Variants in RB1CC1 observed in about 807,000 individuals in gnomAD.
The protein encoded by RB1CC1 is RB1 inducible coiled-coil 1, also known as RB1-inducible coiled-coil protein 1.
Under a neutral mutation model 177.5 loss-of-function variants are expected in RB1CC1, and 46 were observed. The ratio of observed to expected loss-of-function variants is 0.26; its 90% CI spans 0.20 to 0.33. The LOEUF is 0.33. Ranked by LOEUF, RB1CC1 falls within the 10% of genes least tolerant of loss-of-function variation. The pLI is 1.00. For missense variants in RB1CC1, 1,703 were observed against 1,816.3 expected (o/e 0.94, Z 1.13); for synonymous variants, 666 against 613.6 (o/e 1.09, Z -1.26).
intron 15 of RB1CC1, among the ~76,000 whole-genome samples, chr8:52,648,765 T>C (rs760730397): frequency 2.2e-4 from 34 of 152,228 alleles, no homozygotes; most frequent in Non-Finnish European, 4.3e-4. Context: ...AGGTTGGGTC[T>C]TACTGTAGAT....
intron 20 of RB1CC1, among the ~76,000 whole-genome samples, chr8:52,633,426 T>G (rs1441216176): frequency 1.3e-5 from 2 of 152,184 alleles, no homozygotes; most frequent in Admixed American, 6.5e-5. Flanking sequence ...GCATACTACA[T>G]AAAACACGTA....
At chr8:52,694,644 A>G (rs1434583917) in intron 1 of RB1CC1, among the ~76,000 whole-genome samples, 3 of 152,146 alleles carry the variant, frequency 2.0e-5, no homozygotes, top group Non-Finnish European at 4.4e-5. Flanking sequence ...AGCTGCACAT[A>G]CTTTAGTTAA....
chr8:52,642,709 T>C lies in RB1CC1; in HGVS notation c.4091A>G (p.Asp1364Gly). 1.9e-6 allele frequency: 3 copies of C among 1,576,626 alleles called. No homozygotes were observed. Among genetic ancestry groups the C allele is most frequent in the Non-Finnish European group, 2.6e-6 (3 of 1,168,498 alleles). ...LKSTMQQQERDKDLIESLSED... is the reference protein window; with the variant it reads ...LKSTMQQQERGKDLIESLSED... ...TAGTACAAAACAGTACAAACCTTTA[T>C]CCCGTTCTTGTTGCTGCATTGTACT... The change falls in exon 17 of 24, where the codon GAT becomes GGT. Residue 1364 changes from aspartate (D) to glycine (G), a missense_variant. Asp to Gly is a moderately conservative substitution (Grantham distance 94). Coordinates refer to ENST00000025008, the MANE Select transcript of RB1CC1 (RefSeq NM_014781.5).
At chr8:52,709,133 G>C (rs931372962) in intron 1 of RB1CC1, among the ~76,000 whole-genome samples, 2 of 152,114 alleles carry the variant, frequency 1.3e-5, no homozygotes, top group East Asian at 1.9e-4. Flanking sequence ...CTTGAACCCG[G>C]GAGTCAGAGG....
chr8:52,687,912 T>A (rs1439635258), intron 1 of RB1CC1, among the ~76,000 whole-genome samples: 1 of 152,240 alleles, frequency 6.6e-6, no homozygotes, highest in Non-Finnish European at 1.5e-5. Flanking sequence ...TAGGAGGATG[T>A]TGTTGTGGGA....
At chr8:52,627,370 T>C (rs551176003) in intron 22 of RB1CC1, among the ~76,000 whole-genome samples, 2 of 152,220 alleles carry the variant, frequency 1.3e-5, no homozygotes, top group South Asian at 2.1e-4. Context: ...TACCTATAAA[T>C]ATATAGATAA....
intron 18 of RB1CC1, among the ~76,000 whole-genome samples, chr8:52,640,606 T>C (rs531073800): frequency 6.6e-6 from 1 of 152,310 alleles, no homozygotes; most frequent in East Asian, 1.9e-4. Flanking sequence ...TTCTGTATCA[T>C]TTGGCTCTAG....
chr8:52,635,326 C>G (rs180742400), intron 19 of RB1CC1, among the ~76,000 whole-genome samples: 2 of 152,256 alleles, frequency 1.3e-5, no homozygotes, highest in Admixed American at 6.5e-5. Flanking sequence ...TCAGGTTATG[C>G]TGAGGTAGGA....
At chr8:52,630,364 C>A in intron 21 of RB1CC1, 106 bp downstream of exon 21, 2 of 1,352,092 alleles carry the variant, frequency 1.5e-6, no homozygotes, top group Non-Finnish European at 9.9e-7. Context: ...GCAAAACACT[C>A]AGCTCAATGA....
chr8:52,639,768 G>A (rs1376332475), intron 18 of RB1CC1, among the ~76,000 whole-genome samples: 1 of 152,080 alleles, frequency 6.6e-6, no homozygotes, highest in Non-Finnish European at 1.5e-5. Context: ...GTTAGGTATT[G>A]TACTGTTTAG....
Position 52,642,479 on chromosome 8 carries a change from T to C in RB1CC1, c.4209A>G (p.Val1403=). The change falls in exon 18 of 24, where the codon GTA becomes GTG. Residue 1403 remains valine (V), a synonymous_variant. Transcript: ENST00000025008. ...CTCCATAAAGTTCTGGGGCTGTAGC[T>C]ACATATGGTGAAGGAACAAAACTGC... ...RSSSFVPSPY[V]ATAPELYGAC... 2 of 1,613,972 alleles carry C rather than the reference T, an allele frequency of 1.2e-6. 1 individual carries two copies. Among genetic ancestry groups the C allele is most frequent in the Non-Finnish European group, 1.7e-6 (2 of 1,179,992 alleles).
At chr8:52,671,505 C>G (rs543866934) in intron 7 of RB1CC1, among the ~76,000 whole-genome samples, 63 of 152,284 alleles carry the variant, frequency 4.1e-4, no homozygotes, top group Admixed American at 7.2e-4. Context: ...CTCGGTTCAT[C>G]TTCAGAAATG....
rs1362031367 is a variant in RB1CC1 at position 52,674,122 on chromosome 8, A to G, written c.725T>C (p.Leu242Pro). The change falls in exon 7 of 24, where the codon CTC becomes CCC. Residue 242 changes from leucine to proline, a missense_variant. By Grantham distance (98) the Leu-to-Pro change is moderately conservative. This residue lies in a region of RB1CC1 where 315 missense variants were observed against 304.9 expected (regional missense o/e 1.03). Coordinates refer to ENST00000025008, the MANE Select transcript of RB1CC1 (RefSeq NM_014781.5). Reference sequence around the variant, plus strand: ...AGTTGTTCTAGGCATATCAGGAGAGAGCACCAGTTCAGTGGATCTTTTCAT... The same window carrying G: ...AGTTGTTCTAGGCATATCAGGAGAGGGCACCAGTTCAGTGGATCTTTTCAT... ...AEMKRSTELV[L>P]SPDMPRTTNE... The G allele has an allele frequency of 1.2e-6, 2 of 1,614,028 alleles. No individual in the cohort carries two copies. Among genetic ancestry groups the G allele is most frequent in the Non-Finnish European group, 8.5e-7 (1 of 1,180,016 alleles).
intron 8 of RB1CC1, among the ~76,000 whole-genome samples, 166 bp downstream of exon 8, chr8:52,667,855 T>C (rs1243664023): frequency 1.3e-5 from 2 of 152,308 alleles, no homozygotes; most frequent in Middle Eastern, 3.4e-3. Context: ...AACTCAATCA[T>C]TAAGAACATG....
At chr8:52,681,963 G>A (rs1412646862) in intron 5 of RB1CC1, among the ~76,000 whole-genome samples, 1 of 152,184 alleles carries the variant, frequency 6.6e-6, no homozygotes, top group Non-Finnish European at 1.5e-5. Flanking sequence ...GTCCCTACTG[G>A]GGGCACTCCC....
At chr8:52,660,464 C>G in intron 12 of RB1CC1, 132 bp downstream of exon 12, 1 of 863,312 alleles carries the variant, frequency 1.2e-6, no homozygotes, top group Admixed American at 3.1e-5. Flanking sequence ...GCTTTTAAAG[C>G]CAAAAACACT....
At chr8:52,647,577 T>C (rs1389114895) in intron 15 of RB1CC1, among the ~76,000 whole-genome samples, 1 of 152,002 alleles carries the variant, frequency 6.6e-6, no homozygotes, top group Non-Finnish European at 1.5e-5. Context: ...GGGATAAAAA[T>C]AGGTATAGGC....
rs1169503732 is a variant in RB1CC1 at position 52,658,968 on chromosome 8, C to T, written c.1698G>A (p.Lys566=). ...GAAGTTCACAGTCAAACTTTCGAGG[C>T]TTTTGAGTCTGTACCAAAAAAATTA... The part of the protein sequence containing the change: ...DSWPPSFCTQ[K]PRKFDCELPD... The change falls in exon 13 of 24, where the codon AAG becomes AAA. Residue 566 remains lysine (K), a synonymous_variant. Coordinates refer to ENST00000025008, the MANE Select transcript of RB1CC1 (RefSeq NM_014781.5). 2.0e-6 allele frequency: 3 copies of T among 1,536,314 alleles called. No homozygotes were observed. The highest frequency in any genetic ancestry group is 2.6e-6 in the Non-Finnish European group (3 of 1,141,324).
rs1563386334 is a variant in RB1CC1 at position 52,656,526 on chromosome 8, T to C, written c.3303A>G (p.Arg1101=). ...SLLEQETENL[R]TEISKLNQKI... ...TTTGGTTGAGTTTACTAATTTCTGT[T>C]CTCAAATTTTCTGTCTCTTGTTCAA... Residue 1101 remains arginine (R), a synonymous_variant, in exon 15 of 24, where the codon AGA becomes AGG. Transcript: ENST00000025008. The C allele has an allele frequency of 6.2e-7, 1 of 1,611,088 alleles. No homozygotes were observed. The highest frequency in any genetic ancestry group is 1.7e-5 in the Admixed American group (1 of 59,586).
Sources: allele counts gnomAD v4.1 joint callset (sites outside exome capture counted in the v4.1 genomes callset), GRCh38; gene constraint gnomAD v4.1.1; regional missense constraint gnomAD v4.1.1; transcripts MANE v1.5; gene names NCBI Gene and HGNC (gene_info 2026-07-23, HGNC 2026-07-21).